Variants in DDX41 observed in about 807,000 individuals in gnomAD.
DDX41 encodes DEAD-box helicase 41.
DDX41 carries 50 observed loss-of-function variants against 78.8 expected under a neutral mutation model. That is an observed-to-expected ratio of 0.63 (90% CI 0.51 to 0.80). DDX41 has a LOEUF of 0.80. Ranked by LOEUF, DDX41 falls within the 30% of genes least tolerant of loss-of-function variation. The pLI is 0.00. For synonymous variants in DDX41, 381 were observed against 321.5 expected, an observed-to-expected ratio of 1.19 and a Z score of -1.98; for missense variants, 633 against 849.2, an observed-to-expected ratio of 0.75 and a Z score of 3.16.
At position 177,515,811 on chromosome 5, in the gene DDX41, G is replaced by C. The variant is rs990049233; in HGVS notation, c.445C>G (p.Pro149Ala). ...TCAGACATGCTCAGAACATAACGGG[G>C]TGGAGTCCAGCTGTGGATGGGTAAC... ...DDPIKTSWTPPRYVLSMSEER... is the reference protein window; with the variant it reads ...DDPIKTSWTPARYVLSMSEER... Residue 149 changes from proline to alanine, a missense_variant, in exon 6 of 17, where the codon CCC becomes GCC. By Grantham distance (27) the Pro-to-Ala change is conservative. Coordinates refer to ENST00000330503, the MANE Select transcript of DDX41 (RefSeq NM_016222.4). The C allele has an allele frequency of 6.2e-7, 1 of 1,614,202 alleles. No individual in the cohort carries two copies. The highest frequency in any genetic ancestry group is 8.5e-7 in the Non-Finnish European group (1 of 1,180,048).
Position 177,514,921 on chromosome 5 carries a change from G to A in DDX41, c.793C>T (p.Pro265Ser). ...TCCAGGCCAGCCTATCTTACCGAGG[G>A]GCAGATGATGAGTCCATAGGGCCCC... is the stretch of plus-strand genomic sequence containing the variant. Reference protein sequence around the residue: ...REGPYGLIICPSRELARQTHG... With the variant: ...REGPYGLIICSSRELARQTHG... Residue 265 changes from proline to serine, a missense_variant, in exon 8 of 17, where the codon CCC (proline) becomes TCC (serine). Physicochemically the swap from Pro to Ser is moderately conservative, Grantham distance 74. Coordinates refer to ENST00000330503, the MANE Select transcript of DDX41 (RefSeq NM_016222.4). This position sits in a 1 kb window ranked among gnomAD's most constrained non-coding sequence, Gnocchi z 4.2. 1 of 1,604,464 alleles carries A rather than the reference G, an allele frequency of 6.2e-7. No homozygotes were observed. Among genetic ancestry groups the A allele is most frequent in the African/African-American group, 1.3e-5 (1 of 74,846 alleles).
Position 177,512,341 on chromosome 5 carries a change from G to A in DDX41, c.1602C>T (p.Thr534=), listed in dbSNP as rs781715363. Reference sequence around the variant, plus strand: ...ACTCACCACACGCTTTGTTGATGAAGGTAGTGGCGATGCCTGTGTTTCCCG... The same window carrying A: ...ACTCACCACACGCTTTGTTGATGAAAGTAGTGGCGATGCCTGTGTTTCCCG... The part of the protein sequence containing the change: ...GRSGNTGIAT[T]FINKACDESV... Residue 534 remains threonine (T), a synonymous_variant, in exon 15 of 17, where the codon ACC becomes ACT. Coordinates refer to ENST00000330503, the MANE Select transcript of DDX41 (RefSeq NM_016222.4). 2.5e-6 allele frequency: 4 copies of A among 1,614,050 alleles called. No homozygotes were observed. The highest frequency in any genetic ancestry group is 3.4e-6 in the Non-Finnish European group (4 of 1,179,980).
chr5:177,516,616 T>G, intron 2 of DDX41, 109 bp downstream of exon 2: 1 of 1,383,562 alleles, frequency 7.2e-7, no homozygotes, highest in Non-Finnish European at 1.0e-6. Flanking sequence ...CCTGGTGTAC[T>G]GAAGCTCACT....
At chr5:177,512,233 G>A (rs767167681) in intron 15 of DDX41, 27 bp from the exon 16 acceptor site, 7 of 1,613,510 alleles carry the variant, frequency 4.3e-6, no homozygotes, top group Non-Finnish European at 5.9e-6. Context: ...GAAGCATCAG[G>A]GCCCATCCTG....
rs1313746607 is a variant in DDX41 at position 177,511,649 on chromosome 5, G to A, written c.*142C>T. ...AAAACAGTAATTCTGAAGAGCACAG[G>A]GAACAGGCAGCCAGGACCAGCCTGG... On this transcript the variant is annotated 3_prime_UTR_variant, in exon 17 of 17. Transcript: ENST00000330503. 22 of 1,136,108 alleles carry A rather than the reference G, an allele frequency of 1.9e-5. No homozygotes were observed. The highest frequency in any genetic ancestry group is 2.5e-5 in the Non-Finnish European group (20 of 786,806). The allele number at this position is 1,136,108 out of a possible 1,614,324, so 70.4% of individuals were successfully genotyped here.
Position 177,512,386 on chromosome 5 carries a change from C to A in DDX41, c.1557G>T (p.Arg519=). 3 of 1,614,068 alleles carry A rather than the reference C, an allele frequency of 1.9e-6. No homozygotes were observed. Among genetic ancestry groups the A allele is most frequent in the Non-Finnish European group, 2.5e-6 (3 of 1,180,030 alleles). Residue 519 remains arginine (R), a synonymous_variant, in exon 15 of 17, where the codon CGG becomes CGT. Coordinates refer to ENST00000330503, the MANE Select transcript of DDX41 (RefSeq NM_016222.4). ...TTCCCGAGCGCCCGGTGCGGCCAAT[C>A]CGGTGTACTGCAGAGAGAAGGACAG... is the stretch of plus-strand genomic sequence containing the variant. The part of the protein sequence containing the change: ...MPEEIENYVH[R]IGRTGRSGNT...
In DDX41 at chr5:177,514,863, CA is replaced by C. The variant is rs1306804816; in HGVS notation, c.799-27del. The C allele has an allele frequency of 6.2e-7, 1 of 1,605,430 alleles. No individual in the cohort carries two copies. The stretch of plus-strand genomic sequence containing the variant: ...CTGCAGGCAGAGGGACAAAGGCTGG[CA>C]CCAGATGGCAGCCCCAATCTCTGGC... On this transcript the variant is annotated intron_variant, in intron 8 of 16. Coordinates refer to ENST00000330503, the MANE Select transcript of DDX41 (RefSeq NM_016222.4). This position sits in a 1 kb window ranked among gnomAD's most constrained non-coding sequence, Gnocchi z 4.2.
chr5:177,514,161 T>C lies in DDX41; in HGVS notation c.936-314A>G, dbSNP rs1293686147. Reference sequence around the variant, plus strand: ...TTTCCTGGCCCACTGGCTTCACCTTTTCTGTGCTCACCATCTCCCTAATAC... The same window carrying C: ...TTTCCTGGCCCACTGGCTTCACCTTCTCTGTGCTCACCATCTCCCTAATAC... On this transcript the variant is annotated intron_variant, in intron 9 of 16. Coordinates refer to ENST00000330503, the MANE Select transcript of DDX41 (RefSeq NM_016222.4). The surrounding 1 kb of genome is among the most constrained non-coding windows in gnomAD (Gnocchi z 4.2). The C allele has an allele frequency of 5.4e-6, 3 of 554,688 alleles. No homozygotes were observed. The highest frequency in any genetic ancestry group is 6.9e-6 in the Non-Finnish European group (2 of 291,212). 34.4% of individuals were successfully genotyped at this position (554,688 alleles called of 1,614,324 possible). A position where few individuals can be genotyped will look rare whatever the true frequency, so the allele number is the denominator to read the frequency against.
At chr5:177,515,867 C>T (rs898394870) in intron 5 of DDX41, 46 bp from the exon 6 acceptor site, 2 of 1,613,990 alleles carry the variant, frequency 1.2e-6, no homozygotes, top group East Asian at 2.2e-5. Context: ...GAATAGCTGG[C>T]CTGGGAGCAT....
chr5:177,512,005 C>T (rs1413289949), intron 16 of DDX41, 78 bp from the exon 17 acceptor site: 1 of 1,606,270 alleles, frequency 6.2e-7, no homozygotes, highest in East Asian at 2.2e-5. Context: ...CCGTTAGGCA[C>T]CCTCGGTCCA....
chr5:177,513,102 G>A lies in DDX41; in HGVS notation c.1231-20C>T, dbSNP rs765992595. On this transcript the variant is annotated intron_variant, in intron 11 of 16. Coordinates refer to ENST00000330503, the MANE Select transcript of DDX41 (RefSeq NM_016222.4). This position sits in a 1 kb window ranked among gnomAD's most constrained non-coding sequence, Gnocchi z 4.6. ...TACCTCCTGCCACCACAAAGATCAG[G>A]TCAGGTGATCTTGAGATTAGGCTTA... 11 of 1,607,660 alleles carry A rather than the reference G, an allele frequency of 6.8e-6. No homozygotes were observed. In the Admixed American group the frequency reaches 1.3e-4, roughly 20 times the overall value.
intron 7 of DDX41, 39 bp from the exon 8 acceptor site, chr5:177,515,108 A>G: frequency 6.2e-7 from 1 of 1,612,032 alleles, no homozygotes; most frequent in Non-Finnish European, 8.5e-7. Flanking sequence ...ATTTCAACAG[A>G]AGATGAAGGA....
At position 177,515,185 on chromosome 5, in the gene DDX41, C is replaced by T. The variant is rs1761166138; in HGVS notation, c.644+1G>A. The T allele has an allele frequency of 1.2e-6, 2 of 1,613,884 alleles. No individual in the cohort carries two copies. The highest frequency in any genetic ancestry group is 8.5e-7 in the Non-Finnish European group (1 of 1,180,020). On this transcript the variant is annotated splice_donor_variant, in intron 7 of 16. Coordinates refer to ENST00000330503, the MANE Select transcript of DDX41 (RefSeq NM_016222.4). LOFTEE classifies it high-confidence loss of function. ...ACCCCAGGTCCACAGTCCACACTCA[C>T]ATGGTGGGGATGCCCTGGATCTGAA... is the stretch of plus-strand genomic sequence containing the variant.
chr5:177,515,493 C>CT, intron 6 of DDX41, 192 bp downstream of exon 6: 1 of 907,508 alleles, frequency 1.1e-6, no homozygotes, highest in South Asian at 1.5e-5. Flanking sequence ...CCTCCTGAAG[C>CT]TTTGTAACAG....
In DDX41 at chr5:177,514,600, C is replaced by G. The variant is rs1761134269; in HGVS notation, c.935+101G>C. The G allele has an allele frequency of 1.4e-5, 20 of 1,479,846 alleles. No individual in the cohort carries two copies. Among genetic ancestry groups the G allele is most frequent in the Non-Finnish European group, 1.8e-5 (20 of 1,102,970 alleles). 91.7% of individuals were successfully genotyped at this position (1,479,846 alleles called of 1,614,324 possible). A position where few individuals can be genotyped will look rare whatever the true frequency, so the allele number is the denominator to read the frequency against. ...CCTTGAGGGTCGCACTCACAGCAGC[C>G]CTCTGTGAAGATCTGTGGAGTGGCT... On this transcript the variant is annotated intron_variant, in intron 9 of 16. Transcript: ENST00000330503. This position sits in a 1 kb window ranked among gnomAD's most constrained non-coding sequence, Gnocchi z 4.2.
chr5:177,512,437 AG>A (rs1561730850), intron 14 of DDX41, 44 bp from the exon 15 acceptor site: 2 of 1,614,068 alleles, frequency 1.2e-6, no homozygotes, highest in South Asian at 2.2e-5. Flanking sequence ...GCTGGACACT[AG>A]GGGCCTGGCT....
chr5:177,511,610 G>C lies in DDX41; in HGVS notation c.*181C>G, dbSNP rs867695519. On this transcript the variant is annotated 3_prime_UTR_variant, in exon 17 of 17. Coordinates refer to ENST00000330503, the MANE Select transcript of DDX41 (RefSeq NM_016222.4). ...AGGTTTGGGCTTTAATGGCAGCTGG[G>C]GTAAAAGGAAACAAAAACAGTAATT... is the stretch of plus-strand genomic sequence containing the variant. The C allele has an allele frequency of 3.2e-5, 26 of 823,636 alleles. 1 individual carries two copies. Among genetic ancestry groups the C allele is most frequent in the Middle Eastern group, 5.8e-4 (2 of 3,432 alleles). The allele number at this position is 823,636 out of a possible 1,614,324, so 51.0% of individuals were successfully genotyped here. A position where few individuals can be genotyped will look rare whatever the true frequency, so the allele number is the denominator to read the frequency against.
In DDX41 at chr5:177,514,675, G is replaced by C. The variant is rs373052891; in HGVS notation, c.935+26C>G. Reference sequence around the variant, plus strand: ...CCACAGACTCGCAGGTGGCAGAGGTGGGGGGCAGGGAGCGCCAGCACTCAC... The same window carrying C: ...CCACAGACTCGCAGGTGGCAGAGGTCGGGGGCAGGGAGCGCCAGCACTCAC... On this transcript the variant is annotated intron_variant, in intron 9 of 16. Coordinates refer to ENST00000330503, the MANE Select transcript of DDX41 (RefSeq NM_016222.4). This position sits in a 1 kb window ranked among gnomAD's most constrained non-coding sequence, Gnocchi z 4.2. The C allele has an allele frequency of 7.8e-5, 125 of 1,598,034 alleles. No homozygotes were observed. In the African/African-American group the frequency reaches 1.4e-3, roughly 17 times the overall value.
Position 177,513,729 on chromosome 5 carries a change from T to C in DDX41, c.1054A>G (p.Met352Val). 1 of 1,613,808 alleles carries C rather than the reference T, an allele frequency of 6.2e-7. No homozygotes were observed. Among genetic ancestry groups the C allele is most frequent in the Non-Finnish European group, 8.5e-7 (1 of 1,180,012 alleles). ...ALDEADRMID[M>V]GFEGDIRTIF... ...GTACGGATGTCACCCTCGAAGCCCA[T>C]GTCGATCATGCGGTCAGCCTCGTCC... Residue 352 changes from methionine (M) to valine (V), a missense_variant, in exon 10 of 17, where the codon ATG becomes GTG. Met to Val is a conservative substitution (Grantham distance 21). Coordinates refer to ENST00000330503, the MANE Select transcript of DDX41 (RefSeq NM_016222.4). This position sits in a 1 kb window ranked among gnomAD's most constrained non-coding sequence, Gnocchi z 4.6.
Sources: allele counts gnomAD v4.1 joint callset, GRCh38; gene constraint gnomAD v4.1.1; non-coding constraint Gnocchi (gnomAD v3.1); transcripts MANE v1.5; gene names NCBI Gene and HGNC (gene_info 2026-07-23, HGNC 2026-07-21).